Variants in JAKMIP1 observed in about 807,000 individuals in gnomAD.
JAKMIP1 encodes janus kinase and microtubule interacting protein 1.
Under a neutral mutation model 113.0 loss-of-function variants are expected in JAKMIP1, and 33 were observed. The ratio of observed to expected loss-of-function variants is 0.29; its 90% CI spans 0.22 to 0.39. JAKMIP1 has a LOEUF of 0.39. Among genes scored for constraint, JAKMIP1 ranks in the 10% least tolerant of loss-of-function variants. The pLI is 1.00. For synonymous variants in JAKMIP1, 480 were observed against 459.9 expected, an observed-to-expected ratio of 1.04 and a Z score of -0.56; for missense variants, 813 against 1,080.5, an observed-to-expected ratio of 0.75 and a Z score of 3.47.
rs577384077 is a variant in JAKMIP1 at position 6,115,040 on chromosome 4, G to A, written c.-147-2043C>T. On this transcript the variant is annotated intron_variant, in intron 1 of 20. Coordinates refer to ENST00000409021, the MANE Select transcript of JAKMIP1 (RefSeq NM_001099433.2). Reference sequence around the variant, plus strand: ...GGCTCAGCCAGAAGGGATAGATTAAGTAAATGATGTCTAAGCCCCGACAGA... The same window carrying A: ...GGCTCAGCCAGAAGGGATAGATTAAATAAATGATGTCTAAGCCCCGACAGA... Among the ~76,000 whole-genome samples, 354 of 152,316 alleles carry A rather than the reference G, an allele frequency of 2.3e-3. 5 individuals are homozygous for A. Among genetic ancestry groups the A allele is most frequent in the Non-Finnish European group, 1.1e-3 (74 of 68,034 alleles).
intron 1 of JAKMIP1, among the ~76,000 whole-genome samples, chr4:6,115,178 G>T (rs1293645967): frequency 2.0e-5 from 3 of 152,226 alleles, no homozygotes; most frequent in Non-Finnish European, 4.4e-5. Context: ...GGAGGCCGAG[G>T]TGGGCAGACC....
Position 6,036,017 on chromosome 4 carries a change from C to T in JAKMIP1, c.2266G>A (p.Glu756Lys). Residue 756 changes from glutamate to lysine, a missense_variant, in exon 19 of 21, where the codon GAG (glutamate) becomes AAG (lysine). Transcript: ENST00000409021. ...AGEALSEGQR[E>K]DLQAAVEKVR... is the part of the protein sequence containing the mutation. ...TTTTCCACAGCAGCCTGCAGGTCCT[C>T]CCGCTGGCCCTCGCTCAGCGCCTCA... 6.4e-7 allele frequency: 1 copy of T among 1,552,528 alleles called. No homozygotes were observed. The highest frequency in any genetic ancestry group is 2.0e-5 in the Admixed American group (1 of 51,102).
In JAKMIP1 at chr4:6,067,336, C is replaced by T. The variant is rs1046941777; in HGVS notation, c.1303-2328G>A. Among the ~76,000 whole-genome samples, 1 of 152,210 alleles carries T rather than the reference C, an allele frequency of 6.6e-6. No individual in the cohort carries two copies. The highest frequency in any genetic ancestry group is 2.4e-5 in the African/African-American group (1 of 41,436). The stretch of plus-strand genomic sequence containing the variant: ...ATTCACACAGCTGGCATCAGTTGGG[C>T]ACCATGTGGTTACATGCCCCAGATG... On this transcript the variant is annotated intron_variant, in intron 8 of 20. Transcript: ENST00000409021. This position sits in a 1 kb window ranked among gnomAD's most constrained non-coding sequence, Gnocchi z 4.6.
chr4:6,170,179 C>G (rs1386093640), intron 1 of JAKMIP1, among the ~76,000 whole-genome samples: 3 of 150,146 alleles, frequency 2.0e-5, no homozygotes, highest in African/African-American at 7.4e-5. Flanking sequence ...TTCTCACCAC[C>G]TCCATCACCA....
rs1181962126 is a variant in JAKMIP1, at chr4:6,157,470, A to C, written c.-148+42783T>G. On this transcript the variant is annotated intron_variant, in intron 1 of 20. Transcript: ENST00000409021. The surrounding 1 kb of genome is among the most constrained non-coding windows in gnomAD (Gnocchi z 4.7). ...TTAGGAAGCTACAAATTATAGATATAAGAATCTTCAAATTTTCAAATCAAA... is the reference window on the plus strand; with the variant it reads ...TTAGGAAGCTACAAATTATAGATATCAGAATCTTCAAATTTTCAAATCAAA... Among the ~76,000 whole-genome samples, 1 of 152,208 alleles carries C rather than the reference A, an allele frequency of 6.6e-6. No individual in the cohort carries two copies. The highest frequency in any genetic ancestry group is 1.5e-5 in the Non-Finnish European group (1 of 68,036).
chr4:6,127,453 C>T (rs1374548705), intron 1 of JAKMIP1, among the ~76,000 whole-genome samples: 1 of 152,182 alleles, frequency 6.6e-6, no homozygotes, highest in Non-Finnish European at 1.5e-5. Flanking sequence ...CCTGAGGGAG[C>T]AAGAAGGGTC....
In JAKMIP1 at chr4:6,188,342, G is replaced by C. The variant is rs1401724998; in HGVS notation, c.-148+11911C>G. Among the ~76,000 whole-genome samples, 1 of 152,232 alleles carries C rather than the reference G, an allele frequency of 6.6e-6. No homozygotes were observed. The highest frequency in any genetic ancestry group is 2.4e-5 in the African/African-American group (1 of 41,464). ...GGAGGGATGGTCAGGATTCAGAACA[G>C]AATCCGCAATGATGGCGTTTTCAAG... On this transcript the variant is annotated intron_variant, in intron 1 of 20. Transcript: ENST00000409021. The surrounding 1 kb of genome is among the most constrained non-coding windows in gnomAD (Gnocchi z 5.8).
Position 6,167,148 on chromosome 4 carries a change from T to A in JAKMIP1, c.-148+33105A>T, listed in dbSNP as rs1456122736. 2.0e-5 allele frequency among the ~76,000 whole-genome samples: 3 copies of A among 152,104 alleles called. No homozygotes were observed. The highest frequency in any genetic ancestry group is 7.2e-5 in the African/African-American group (3 of 41,410). ...ATCCATCGTCTTCCCCTAGACCTGC[T>A]CCTCCTTCCAGGGCCCTGCCTCCGC... On this transcript the variant is annotated intron_variant, in intron 1 of 20. Transcript: ENST00000409021. The surrounding 1 kb of genome is among the most constrained non-coding windows in gnomAD (Gnocchi z 5.3).
intron 18 of JAKMIP1, among the ~76,000 whole-genome samples, chr4:6,038,971 G>A (rs1713943680): frequency 6.6e-6 from 1 of 152,226 alleles, no homozygotes; most frequent in Non-Finnish European, 1.5e-5. Flanking sequence ...CCCCAGCATG[G>A]ACACATGGCC....
At chr4:6,027,745 A>T (rs1211069093) in intron 20 of JAKMIP1, among the ~76,000 whole-genome samples, 1 of 152,244 alleles carries the variant, frequency 6.6e-6, no homozygotes, top group African/African-American at 2.4e-5. Flanking sequence ...CAGAAAGACG[A>T]TTCCAACATT....
chr4:6,164,063 A>G (rs753144672), intron 1 of JAKMIP1, among the ~76,000 whole-genome samples: 1 of 152,272 alleles, frequency 6.6e-6, no homozygotes, highest in Non-Finnish European at 1.5e-5. Context: ...AACATCATTC[A>G]TGAAGGTGGC....
intron 11 of JAKMIP1, among the ~76,000 whole-genome samples, chr4:6,057,621 C>G (rs1045746872): frequency 6.6e-6 from 1 of 152,230 alleles, no homozygotes; most frequent in African/African-American, 2.4e-5. Context: ...AGTGGCTGTG[C>G]TCCACCCACC....
In JAKMIP1 at chr4:6,138,433, C is replaced by T. The variant is rs1280138473; in HGVS notation, c.-147-25436G>A. Among the ~76,000 whole-genome samples the T allele has an allele frequency of 1.3e-5, 2 of 151,916 alleles. No homozygotes were observed. Among genetic ancestry groups the T allele is most frequent in the African/African-American group, 2.4e-5 (1 of 41,318 alleles). On this transcript the variant is annotated intron_variant, in intron 1 of 20. Transcript: ENST00000409021. This position sits in a 1 kb window ranked among gnomAD's most constrained non-coding sequence, Gnocchi z 6.0. ...TGTATTTTTAGTAGAGATGGGGTTT[C>T]GCCATGTTGACCAGGCTGGTCTCAA...
chr4:6,195,770 C>A (rs549450455), intron 1 of JAKMIP1, among the ~76,000 whole-genome samples: 3 of 152,170 alleles, frequency 2.0e-5, no homozygotes, highest in Non-Finnish European at 4.4e-5. Context: ...CACAGACCAG[C>A]GGGAGGCAAA....
chr4:6,112,291 G>C (rs1316271718), intron 2 of JAKMIP1, among the ~76,000 whole-genome samples: 1 of 152,204 alleles, frequency 6.6e-6, no homozygotes, highest in Non-Finnish European at 1.5e-5. Context: ...AGCTGTAACT[G>C]ATCAAGTAGC....
At chr4:6,101,385 C>G (rs1578235530) in intron 3 of JAKMIP1, among the ~76,000 whole-genome samples, 1 of 152,118 alleles carries the variant, frequency 6.6e-6, no homozygotes, top group African/African-American at 2.4e-5. Context: ...TTTGTCCACA[C>G]ACGTGAAGAT....
Position 6,183,409 on chromosome 4 carries a change from G to A in JAKMIP1, c.-148+16844C>T, listed in dbSNP as rs1726267401. Among the ~76,000 whole-genome samples the A allele has an allele frequency of 6.6e-6, 1 of 151,468 alleles. No homozygotes were observed. Among genetic ancestry groups the A allele is most frequent in the Non-Finnish European group, 1.5e-5 (1 of 67,946 alleles). On this transcript the variant is annotated intron_variant, in intron 1 of 20. Coordinates refer to ENST00000409021, the MANE Select transcript of JAKMIP1 (RefSeq NM_001099433.2). The surrounding 1 kb of genome is among the most constrained non-coding windows in gnomAD (Gnocchi z 5.3). ...CAGGAGAGTCGCTTGAACCTGGGAG[G>A]CAGAGGTTACAGTGAGCCAAGATCA...
chr4:6,114,103 C>G (rs1462087482), intron 1 of JAKMIP1, among the ~76,000 whole-genome samples: 1 of 152,204 alleles, frequency 6.6e-6, no homozygotes, highest in East Asian at 1.9e-4. Flanking sequence ...GTGAAGTCAG[C>G]TACCTAAATC....
intron 18 of JAKMIP1, among the ~76,000 whole-genome samples, chr4:6,038,307 G>A (rs1189462122): frequency 6.8e-6 from 1 of 147,256 alleles, no homozygotes; most frequent in Non-Finnish European, 1.5e-5. Flanking sequence ...CATCACCGAG[G>A]CAGAGGTTAA....
Sources: gnomAD v4.1 joint callset for allele counts (sites outside exome capture counted in the v4.1 genomes callset) on GRCh38, gnomAD v4.1.1 for gene constraint, Gnocchi (gnomAD v3.1) non-coding constraint, MANE v1.5 for transcripts, NCBI Gene and HGNC (gene_info 2026-07-23, HGNC 2026-07-21) for gene names.